ANTXR2: variants seen among roughly 807,000 people sequenced by gnomAD.
ANTXR2 encodes ANTXR cell adhesion molecule 2.
Under a neutral mutation model 73.7 loss-of-function variants are expected in ANTXR2, and 44 were observed. The observed-to-expected ratio is 0.60, with a 90% confidence interval of 0.47 to 0.77. ANTXR2 has a LOEUF of 0.77. ANTXR2 is among the 30% of genes least tolerant of loss of function. The pLI, the probability that ANTXR2 is intolerant of heterozygous loss-of-function variation, is 0.00. For missense variants in ANTXR2, 604 were observed against 592.5 expected, an observed-to-expected ratio of 1.02 and a Z score of -0.20; for synonymous variants, 217 against 205.9, an observed-to-expected ratio of 1.05 and a Z score of -0.46.
chr4:80,043,671 T>C (rs1483313922), intron 7 of ANTXR2, among the ~76,000 whole-genome samples: 1 of 152,014 alleles, frequency 6.6e-6, no homozygotes, highest in Non-Finnish European at 1.5e-5. Context: ...CAGGATAAGA[T>C]AAAGCTGTTT....
chr4:79,910,625 G>A (rs1727097223), intron 16 of ANTXR2, among the ~76,000 whole-genome samples: 1 of 151,766 alleles, frequency 6.6e-6, no homozygotes, highest in African/African-American at 2.4e-5. Flanking sequence ...ACATAGAGCA[G>A]ACTCAATAAT....
chr4:80,001,094 A>G (rs1731008317), intron 12 of ANTXR2, among the ~76,000 whole-genome samples: 2 of 152,106 alleles, frequency 1.3e-5, no homozygotes, highest in Admixed American at 1.3e-4. Context: ...TATTAACTTC[A>G]AAGTTACAAA....
intron 12 of ANTXR2, among the ~76,000 whole-genome samples, chr4:79,993,996 T>C (rs937499335): frequency 2.0e-5 from 3 of 151,914 alleles, no homozygotes; most frequent in Non-Finnish European, 4.4e-5. Context: ...TGATAACATT[T>C]TAAGTATGGC....
intron 10 of ANTXR2, among the ~76,000 whole-genome samples, chr4:80,025,667 A>G (rs1264530044): frequency 1.3e-5 from 2 of 152,210 alleles, no homozygotes; most frequent in Admixed American, 6.5e-5. Flanking sequence ...AATGATAAAG[A>G]TTTTAAGTTG....
At chr4:80,046,635 T>A (rs778525578) in intron 7 of ANTXR2, among the ~76,000 whole-genome samples, 16 of 151,832 alleles carry the variant, frequency 1.1e-4, no homozygotes, top group Non-Finnish European at 2.2e-4. Flanking sequence ...CTATATTTAT[T>A]CCATTTGATT....
intron 12 of ANTXR2, among the ~76,000 whole-genome samples, chr4:79,998,850 C>T (rs1258966130): frequency 6.6e-6 from 1 of 151,978 alleles, no homozygotes; most frequent in Admixed American, 6.6e-5. Flanking sequence ...ATCTATCATT[C>T]ACTAATGGTA....
At chr4:79,987,848 A>T (rs1031169721) in intron 12 of ANTXR2, among the ~76,000 whole-genome samples, 1 of 152,156 alleles carries the variant, frequency 6.6e-6, no homozygotes, top group African/African-American at 2.4e-5. Context: ...TTCAACCAAG[A>T]ATTTCATATC....
chr4:79,915,096 A>G (rs1476292285), intron 16 of ANTXR2, among the ~76,000 whole-genome samples: 1 of 152,176 alleles, frequency 6.6e-6, no homozygotes, highest in Non-Finnish European at 1.5e-5. Flanking sequence ...TTTCCCAGAA[A>G]TTGTTGCTAG....
intron 16 of ANTXR2, among the ~76,000 whole-genome samples, chr4:79,945,530 T>TATATAAC (rs1320160871): frequency 3.3e-5 from 5 of 152,158 alleles, no homozygotes; most frequent in African/African-American, 1.2e-4. Flanking sequence ...GCAGGGAGTT[T>TATATAAC]ATATAACATA....
chr4:80,037,654 T>C (rs966407227), intron 7 of ANTXR2, among the ~76,000 whole-genome samples: 1 of 152,124 alleles, frequency 6.6e-6, no homozygotes, highest in African/African-American at 2.4e-5. Flanking sequence ...GATTCAAGAA[T>C]TAAGAACTCT....
rs559056510 is a variant in ANTXR2, at chr4:80,050,914, C to T, written c.636+3358G>A. ...CCTACTTATTTATGAAATATGAGCG[C>T]ATTCTCAAAACAAGTATGTGAAAGT... is the stretch of plus-strand genomic sequence containing the variant. On this transcript the variant is annotated intron_variant, in intron 7 of 16. Coordinates refer to ENST00000403729, the MANE Select transcript of ANTXR2 (RefSeq NM_058172.6). Among the ~76,000 whole-genome samples the T allele has an allele frequency of 4.0e-5, 6 of 151,776 alleles. No homozygotes were observed. In the South Asian group the frequency reaches 1.0e-3, roughly 26 times the overall value.
chr4:79,954,491 T>G (rs1314076310), intron 16 of ANTXR2, among the ~76,000 whole-genome samples: 1 of 152,166 alleles, frequency 6.6e-6, no homozygotes, highest in East Asian at 1.9e-4. Context: ...GCATCTGTAG[T>G]TCTAGCTACT....
At chr4:80,070,812 A>G (rs79107687) in intron 2 of ANTXR2, among the ~76,000 whole-genome samples, 3,904 of 152,090 alleles carry the variant, frequency 0.026, 90 homozygotes, top group Non-Finnish European at 0.037. Context: ...TACAGTTCCT[A>G]TTCATGTCCT....
intron 16 of ANTXR2, among the ~76,000 whole-genome samples, chr4:79,908,027 T>C (rs529719701): frequency 6.6e-6 from 1 of 152,332 alleles, no homozygotes; most frequent in Non-Finnish European, 1.5e-5. Context: ...AAATGGTGAC[T>C]ATCTGCACTT....
chr4:79,911,102 T>G (rs1578075073), intron 16 of ANTXR2, among the ~76,000 whole-genome samples: 1 of 152,180 alleles, frequency 6.6e-6, no homozygotes, highest in East Asian at 1.9e-4. Flanking sequence ...ATGTTTAAGG[T>G]CATGGATGTT....
At chr4:80,033,234 G>T (rs1732782498) in intron 9 of ANTXR2, among the ~76,000 whole-genome samples, 1 of 151,934 alleles carries the variant, frequency 6.6e-6, no homozygotes, top group Non-Finnish European at 1.5e-5. Flanking sequence ...ACCATCATCT[G>T]TTCAATGAGG....
At chr4:80,004,490 TGTAG>T (rs72100382) in intron 12 of ANTXR2, among the ~76,000 whole-genome samples, 53,817 of 151,548 alleles carry the variant, frequency 0.36, 11,864 homozygotes, top group Non-Finnish European at 0.47. Flanking sequence ...TGGTTCTTCC[TGTAG>T]GCTCTAGGGA....
chr4:80,008,744 A>G (rs1425666661), intron 11 of ANTXR2, 128 bp from the exon 12 acceptor site: 8 of 505,710 alleles, frequency 1.6e-5, no homozygotes, highest in Admixed American at 4.2e-5. Context: ...GATTTTAACT[A>G]TATTATTTTA....
At chr4:79,931,670 G>A (rs1284008296) in intron 16 of ANTXR2, among the ~76,000 whole-genome samples, 1 of 152,144 alleles carries the variant, frequency 6.6e-6, no homozygotes, top group Non-Finnish European at 1.5e-5. Flanking sequence ...GGAAGTCTGT[G>A]ATTGGCAAGG....
Sources: gnomAD v4.1 joint callset for allele counts (sites outside exome capture counted in the v4.1 genomes callset) on GRCh38, gnomAD v4.1.1 for gene constraint, MANE v1.5 for transcripts, NCBI Gene and HGNC (gene_info 2026-07-23, HGNC 2026-07-21) for gene names.